FANCB: variants seen among roughly 807,000 people sequenced by gnomAD.
The protein encoded by FANCB is FA complementation group B.
In FANCB, 5 loss-of-function variants were observed where a neutral mutation model predicts 38.9. That is an observed-to-expected ratio of 0.13 (90% CI 0.07 to 0.27). The LOEUF is 0.27. FANCB is among the 10% of genes least tolerant of loss of function. The probability of loss-of-function intolerance (pLI) is 1.00; values close to 1 mark genes in which losing one functional copy is unlikely to be tolerated. For missense variants in FANCB, 573 were observed against 602.7 expected (o/e 0.95, Z 0.52); for synonymous variants, 236 against 215.4 (o/e 1.10, Z -0.84).
chrX:14,702,262 T>C, the FANCB span, among the ~76,000 whole-genome samples: 1 of 111,733 alleles, frequency 8.9e-6, no homozygotes, highest in East Asian at 2.8e-4. Context: ...TTATAAATGA[T>C]AGAATGCTAC....
chrX:14,738,620 A>G, the FANCB span, among the ~76,000 whole-genome samples: 2 of 112,443 alleles, frequency 1.8e-5, no homozygotes, highest in East Asian at 5.6e-4. Context: ...ATAATGGATT[A>G]CTGGAGGATT....
At chrX:14,774,016 C>G in the FANCB span, among the ~76,000 whole-genome samples, 1 of 111,679 alleles carries the variant, frequency 9.0e-6, no homozygotes, top group Non-Finnish European at 1.9e-5. Context: ...GCAACTGCCT[C>G]AAAGAAGGAG....
At chrX:14,852,870 T>C (rs2092407420) in intron 6 of FANCB, among the ~76,000 whole-genome samples, 169 bp downstream of exon 6, 2 of 112,127 alleles carry the variant, frequency 1.8e-5, no homozygotes, top group Non-Finnish European at 1.9e-5. Flanking sequence ...CTTAATCAAA[T>C]ATTTTTCAAT....
At chrX:14,805,914 C>T in the FANCB span, among the ~76,000 whole-genome samples, 3 of 112,278 alleles carry the variant, frequency 2.7e-5, no homozygotes, top group East Asian at 8.4e-4. Flanking sequence ...TCCTTCTTAT[C>T]CTTCTCGAAT....
intron 10 of FANCB, among the ~76,000 whole-genome samples, chrX:14,838,373 C>T (rs1450353892): frequency 8.9e-6 from 1 of 111,769 alleles, no homozygotes; most frequent in Non-Finnish European, 1.9e-5. Context: ...AGCCTACACA[C>T]CAAGCCCTAT....
intron 7 of FANCB, among the ~76,000 whole-genome samples, chrX:14,846,080 G>A (rs2092375724): frequency 8.9e-6 from 1 of 111,902 alleles, no homozygotes; most frequent in African/African-American, 3.2e-5. Context: ...TTGTTTTGTT[G>A]GGAATGCTGT....
At chrX:14,820,221 CTTCT>C in the FANCB span, among the ~76,000 whole-genome samples, 1 of 111,021 alleles carries the variant, frequency 9.0e-6, no homozygotes, top group Non-Finnish European at 1.9e-5. Flanking sequence ...CTATGTCTCT[CTTCT>C]TTCTCCTTCC....
chrX:14,812,687 A>T, the FANCB span, among the ~76,000 whole-genome samples: 1 of 108,209 alleles, frequency 9.2e-6, no homozygotes, highest in African/African-American at 3.4e-5. Context: ...CTTACCAACC[A>T]AAAAGAGTCC....
At chrX:14,726,549 A>G in the FANCB span, among the ~76,000 whole-genome samples, 1 of 112,532 alleles carries the variant, frequency 8.9e-6, no homozygotes, top group African/African-American at 3.2e-5. Flanking sequence ...ATGAATGAGG[A>G]AAGTATTTTC....
chrX:14,703,949 G>C, the FANCB span, among the ~76,000 whole-genome samples: 1 of 111,628 alleles, frequency 9.0e-6, no homozygotes, highest in Non-Finnish European at 1.9e-5. Context: ...TAAACCTCTT[G>C]CATGCAATCC....
At chrX:14,811,190 C>T in the FANCB span, among the ~76,000 whole-genome samples, 48 of 111,107 alleles carry the variant, frequency 4.3e-4, no homozygotes, top group African/African-American at 1.0e-3. Context: ...AAGGAACAAC[C>T]GGTACCAGCC....
chrX:14,712,467 T>C, the FANCB span, among the ~76,000 whole-genome samples: 1 of 111,171 alleles, frequency 9.0e-6, no homozygotes, highest in East Asian at 2.8e-4. Flanking sequence ...TCCTTGTTTC[T>C]GTCCAACGCT....
the FANCB span, among the ~76,000 whole-genome samples, chrX:14,753,407 A>G: frequency 1.8e-5 from 2 of 112,666 alleles, no homozygotes; most frequent in Non-Finnish European, 3.7e-5. Flanking sequence ...TATCTAGGTT[A>G]TACGACTTAT....
the FANCB span, among the ~76,000 whole-genome samples, chrX:14,822,855 G>A: frequency 9.0e-6 from 1 of 110,839 alleles, no homozygotes; most frequent in South Asian, 3.7e-4. Context: ...AAAAATGTTC[G>A]TTGCTCTTTT....
At chrX:14,707,336 G>C in the FANCB span, among the ~76,000 whole-genome samples, 1 of 111,547 alleles carries the variant, frequency 9.0e-6, no homozygotes. Flanking sequence ...TTCATCTGTA[G>C]AAAGAGTCTA....
chrX:14,774,058 C>T, the FANCB span, among the ~76,000 whole-genome samples: 2 of 111,642 alleles, frequency 1.8e-5, no homozygotes, highest in South Asian at 3.7e-4. Flanking sequence ...ATAATAAATG[C>T]CTACTACTTA....
At chrX:14,703,586 C>T in the FANCB span, among the ~76,000 whole-genome samples, 2 of 111,762 alleles carry the variant, frequency 1.8e-5, no homozygotes, top group African/African-American at 6.5e-5. Flanking sequence ...AGGACACAGA[C>T]ATCTTTGGTA....
chrX:14,829,850 T>A, the FANCB span, among the ~76,000 whole-genome samples: 1 of 112,578 alleles, frequency 8.9e-6, no homozygotes, highest in Non-Finnish European at 1.9e-5. Context: ...TTTCTTAGTA[T>A]GTTCACTGAA....
intron 7 of FANCB, among the ~76,000 whole-genome samples, chrX:14,847,427 T>C (rs2092381348): frequency 9.0e-6 from 1 of 110,767 alleles, no homozygotes; most frequent in Middle Eastern, 4.6e-3. Context: ...GAAAAGAATA[T>C]AGATCAGAAG....
Sources: allele counts gnomAD v4.1 joint callset (sites outside exome capture counted in the v4.1 genomes callset), GRCh38; gene constraint gnomAD v4.1.1; transcripts MANE v1.5; gene names NCBI Gene and HGNC (gene_info 2026-07-23, HGNC 2026-07-21).